STARD13: variants seen among roughly 807,000 people sequenced by gnomAD.
STARD13 encodes StAR related lipid transfer domain containing 13, also known as stAR-related lipid transfer protein 13.
A neutral mutation model predicts 106.4 loss-of-function variants in STARD13; 62 were observed. The ratio of observed to expected loss-of-function variants is 0.58; its 90% confidence interval spans 0.48 to 0.72. The LOEUF is 0.72. Ranked by LOEUF, STARD13 falls within the 30% of genes least tolerant of loss-of-function variation. STARD13 has a pLI of 0.00. For synonymous variants in STARD13, 565 were observed against 553.0 expected (o/e 1.02, Z -0.31); for missense variants, 1,387 against 1,424.0 (o/e 0.97, Z 0.42).
At chr13:33,296,850 C>G (rs1892515714) in intron 1 of STARD13, among the ~76,000 whole-genome samples, 1 of 152,134 alleles carries the variant, frequency 6.6e-6, no homozygotes, top group Non-Finnish European at 1.5e-5. Flanking sequence ...AACTCCTGAC[C>G]TCAGGTGATC....
the STARD13 span, among the ~76,000 whole-genome samples, chr13:33,360,366 G>A: frequency 3.3e-5 from 5 of 151,878 alleles, no homozygotes; most frequent in Admixed American, 6.6e-5. Flanking sequence ...CACCACTCCC[G>A]GCTAGTTTTT....
the STARD13 span, among the ~76,000 whole-genome samples, chr13:33,478,833 T>C: frequency 1.3e-5 from 2 of 152,296 alleles, no homozygotes; most frequent in South Asian, 4.1e-4. Context: ...GGAGGATTGA[T>C]TAAGCTCTGG....
rs986377944 is a variant in STARD13, at chr13:33,133,190, G to T, written c.388-2901C>A. Among the ~76,000 whole-genome samples the T allele has an allele frequency of 4.6e-5, 7 of 152,158 alleles. No homozygotes were observed. The East Asian group carries it at 1.3e-3, about 29-fold the overall frequency. On this transcript the variant is annotated intron_variant, in intron 4 of 13. Transcript: ENST00000336934. Reference sequence around the variant, plus strand: ...ATGCCAGCACACCACATACTAGTTGGATAGGGACTCCTTTATTTAGGTTAA... The same window carrying T: ...ATGCCAGCACACCACATACTAGTTGTATAGGGACTCCTTTATTTAGGTTAA...
chr13:33,109,604 A>T (rs372060498), intron 12 of STARD13, among the ~76,000 whole-genome samples: 5 of 152,328 alleles, frequency 3.3e-5, no homozygotes, highest in African/African-American at 1.2e-4. Context: ...CTCTGAGGAA[A>T]TGAATAATAT....
the STARD13 span, among the ~76,000 whole-genome samples, chr13:33,364,988 A>G: frequency 6.6e-6 from 1 of 152,206 alleles, no homozygotes; most frequent in African/African-American, 2.4e-5. Context: ...CAAATACAAC[A>G]TATAAAAGGG....
intron 1 of STARD13, among the ~76,000 whole-genome samples, chr13:33,331,034 T>C (rs2077829829): frequency 6.6e-6 from 1 of 152,228 alleles, no homozygotes. Flanking sequence ...TGGATTCACA[T>C]ATTTTTGTCA....
At chr13:33,522,845 T>G in the STARD13 span, among the ~76,000 whole-genome samples, 1 of 152,156 alleles carries the variant, frequency 6.6e-6, no homozygotes, top group Non-Finnish European at 1.5e-5. Context: ...ATAGCTACCC[T>G]GGTAACTTTG....
the STARD13 span, among the ~76,000 whole-genome samples, chr13:33,640,479 A>G: frequency 3.1e-3 from 475 of 152,312 alleles, 6 homozygotes; most frequent in African/African-American, 0.011. Context: ...CTGGAGTTCC[A>G]TTCAGTGAGT....
chr13:33,352,435 T>C (rs896880236), upstream of STARD13, among the ~76,000 whole-genome samples: 1 of 152,216 alleles, frequency 6.6e-6, no homozygotes, highest in Non-Finnish European at 1.5e-5. Flanking sequence ...AACATAACCA[T>C]TCAAGCTATT....
At chr13:33,519,225 T>TTTCC in the STARD13 span, among the ~76,000 whole-genome samples, 48 of 145,100 alleles carry the variant, frequency 3.3e-4, no homozygotes, top group African/African-American at 1.2e-3. Context: ...TCTTTCTTTC[T>TTTCC]TTCTTTCTTT....
chr13:33,509,818 G>A, the STARD13 span, among the ~76,000 whole-genome samples: 1 of 152,182 alleles, frequency 6.6e-6, no homozygotes, highest in African/African-American at 2.4e-5. Flanking sequence ...CGAATTTTCA[G>A]TGCCCAAACC....
At chr13:33,204,417 G>T (rs1887266750) in intron 1 of STARD13, among the ~76,000 whole-genome samples, 3 of 152,156 alleles carry the variant, frequency 2.0e-5, no homozygotes, top group Admixed American at 2.0e-4. Context: ...CATTTAGACT[G>T]TAGGAAACAG....
the STARD13 span, among the ~76,000 whole-genome samples, chr13:33,575,211 C>T: frequency 2.0e-5 from 3 of 152,062 alleles, no homozygotes; most frequent in Admixed American, 6.6e-5. Flanking sequence ...CCACTGCGCC[C>T]GGCCATACCT....
intron 1 of STARD13, among the ~76,000 whole-genome samples, chr13:33,254,054 G>A (rs1890216618): frequency 6.6e-6 from 1 of 152,170 alleles, no homozygotes; most frequent in Non-Finnish European, 1.5e-5. Context: ...CAGCCATCCC[G>A]CTTTGCCTGG....
the STARD13 span, among the ~76,000 whole-genome samples, chr13:33,432,504 A>C: frequency 6.6e-6 from 1 of 152,194 alleles, no homozygotes; most frequent in African/African-American, 2.4e-5. Context: ...ATAAGAAGTC[A>C]TTTAAATCTA....
At chr13:33,113,525 G>GGGAA (rs1388151443) in intron 8 of STARD13, 1 of 514,042 alleles carries the variant, frequency 1.9e-6, no homozygotes, top group African/African-American at 1.9e-5. Flanking sequence ...GCTTCTCGAG[G>GGGAA]GGAAGCCTGT....
the STARD13 span, among the ~76,000 whole-genome samples, chr13:33,568,381 A>T: frequency 1.4e-5 from 2 of 148,020 alleles, no homozygotes; most frequent in Non-Finnish European, 3.0e-5. Context: ...TGACTTTTGC[A>T]AAATTCTATA....
At chr13:33,526,717 AC>A in the STARD13 span, among the ~76,000 whole-genome samples, 1 of 96,326 alleles carries the variant, frequency 1.0e-5, no homozygotes, top group African/African-American at 9.8e-5. Context: ...TACTCTCTGG[AC>A]TGTAAGGACT....
At chr13:33,587,713 G>C in the STARD13 span, among the ~76,000 whole-genome samples, 3 of 152,140 alleles carry the variant, frequency 2.0e-5, no homozygotes, top group Non-Finnish European at 4.4e-5. Context: ...CAGCCAATGC[G>C]TCTGAATCCA....
Sources: gnomAD v4.1 joint callset for allele counts (sites outside exome capture counted in the v4.1 genomes callset) on GRCh38, gnomAD v4.1.1 for gene constraint, MANE v1.5 for transcripts, NCBI Gene and HGNC (gene_info 2026-07-23, HGNC 2026-07-21) for gene names.